XKR4: variants seen among roughly 807,000 people sequenced by gnomAD.
The protein encoded by XKR4 is XK-related protein 4.
XKR4 carries 12 observed loss-of-function variants against 53.9 expected under a neutral mutation model. The observed-to-expected ratio is 0.22, with a 90% CI of 0.14 to 0.36. XKR4 has a LOEUF of 0.36. XKR4 is among the 10% of genes least tolerant of loss of function. The pLI is 1.00. For missense variants in XKR4, 799 were observed against 859.5 expected (o/e 0.93, Z 0.88); for synonymous variants, 354 against 362.4 (o/e 0.98, Z 0.26).
At chr8:55,326,075 T>A (rs1274287305) in intron 1 of XKR4, among the ~76,000 whole-genome samples, 1 of 152,200 alleles carries the variant, frequency 6.6e-6, no homozygotes, top group African/African-American at 2.4e-5. Flanking sequence ...CTTGATCCTG[T>A]AGACAACAGA....
chr8:55,321,590 C>A (rs1237362681), intron 1 of XKR4, among the ~76,000 whole-genome samples: 2 of 152,150 alleles, frequency 1.3e-5, no homozygotes, highest in Non-Finnish European at 2.9e-5. Context: ...CCTTCCCTAC[C>A]TACTCATTAG....
intron 2 of XKR4, among the ~76,000 whole-genome samples, chr8:55,403,990 C>A (rs541154442): frequency 6.6e-6 from 1 of 152,278 alleles, no homozygotes; most frequent in South Asian, 2.1e-4. Flanking sequence ...CTTCTCAGGC[C>A]TCTTTATGAC....
intron 1 of XKR4, among the ~76,000 whole-genome samples, chr8:55,174,240 T>C (rs796342461): frequency 3.3e-5 from 5 of 152,210 alleles, no homozygotes; most frequent in African/African-American, 1.2e-4. Context: ...TGAAAAAATA[T>C]CTTCTAAATT....
At chr8:55,492,579 T>C (rs1035167867) in intron 2 of XKR4, among the ~76,000 whole-genome samples, 2 of 152,252 alleles carry the variant, frequency 1.3e-5, no homozygotes, top group Admixed American at 6.5e-5. Flanking sequence ...GTGATTGCCA[T>C]GTCCATGATG....
At chr8:55,265,406 CA>C (rs1269431284) in intron 1 of XKR4, among the ~76,000 whole-genome samples, 1 of 152,216 alleles carries the variant, frequency 6.6e-6, no homozygotes, top group African/African-American at 2.4e-5. Flanking sequence ...CATGTGGCTC[CA>C]AGGCTGGCCT....
At chr8:55,400,906 C>G (rs921856180) in intron 2 of XKR4, among the ~76,000 whole-genome samples, 1 of 152,168 alleles carries the variant, frequency 6.6e-6, no homozygotes, top group African/African-American at 2.4e-5. Context: ...CATGAATGTG[C>G]TCAGAGAATT....
chr8:55,366,783 T>G (rs75509685), intron 2 of XKR4, among the ~76,000 whole-genome samples: 9,758 of 152,258 alleles, frequency 0.064, 902 homozygotes, highest in African/African-American at 0.2. Flanking sequence ...ACCTGCTCAA[T>G]CACCCTGTTC....
At chr8:55,466,908 T>C (rs1250409416) in intron 2 of XKR4, among the ~76,000 whole-genome samples, 1 of 152,188 alleles carries the variant, frequency 6.6e-6, no homozygotes, top group African/African-American at 2.4e-5. Context: ...GATTAAAAAA[T>C]TTATTAGTTT....
intron 1 of XKR4, among the ~76,000 whole-genome samples, chr8:55,335,201 A>T (rs781522346): frequency 2.0e-5 from 3 of 152,224 alleles, no homozygotes; most frequent in Non-Finnish European, 4.4e-5. Flanking sequence ...TAACAACTAT[A>T]TTAAGGAAAC....
At chr8:55,348,922 AAG>A (rs1803690231) in intron 1 of XKR4, among the ~76,000 whole-genome samples, 1 of 152,124 alleles carries the variant, frequency 6.6e-6, no homozygotes, top group South Asian at 2.1e-4. Context: ...AAAGAGATGA[AAG>A]AGAGAGTGGT....
intron 1 of XKR4, among the ~76,000 whole-genome samples, chr8:55,314,432 C>T (rs542245962): frequency 1.3e-5 from 2 of 152,136 alleles, no homozygotes; most frequent in East Asian, 1.9e-4. Context: ...GCTGGGGCAC[C>T]GACCTCAAGG....
In XKR4 at chr8:55,528,081, T is replaced by A. The variant is rs1226284834; in HGVS notation, c.*3854T>A. On this transcript the variant is annotated 3_prime_UTR_variant, in exon 3 of 3. Transcript: ENST00000327381. ...AGTATATACTGCTTTTGAATGTATA[T>A]AAAGTGGTATGTTATGCATATAAAT... 6.6e-6 allele frequency: 1 copy of A among 152,216 alleles called. No individual in the cohort carries two copies. Among genetic ancestry groups the A allele is most frequent in the Admixed American group, 6.5e-5 (1 of 15,278 alleles). 9.4% of individuals were successfully genotyped at this position (152,216 alleles called of 1,614,324 possible).
intron 2 of XKR4, among the ~76,000 whole-genome samples, chr8:55,488,958 A>T (rs72648092): frequency 9.9e-5 from 1 of 10,110 alleles, no homozygotes; most frequent in African/African-American, 1.8e-3. Context: ...AAAAAAAAAA[A>T]AAAAAGACCA....
chr8:55,406,314 G>T (rs148320525), intron 2 of XKR4, among the ~76,000 whole-genome samples: 2,129 of 152,178 alleles, frequency 0.014, 28 homozygotes, highest in African/African-American at 0.035. Flanking sequence ...GGTTAAAAAA[G>T]TAATAGTCCC....
chr8:55,167,951 C>T (rs1355170187), intron 1 of XKR4, among the ~76,000 whole-genome samples: 1 of 152,202 alleles, frequency 6.6e-6, no homozygotes, highest in Non-Finnish European at 1.5e-5. Context: ...GAGTAACCAA[C>T]TGTAAAATGA....
chr8:55,513,786 A>C (rs1806666850), intron 2 of XKR4, among the ~76,000 whole-genome samples: 6 of 152,224 alleles, frequency 3.9e-5, no homozygotes, highest in Admixed American at 3.9e-4. Flanking sequence ...TCTTTGAGTT[A>C]CCAGGTTTCA....
At chr8:55,448,303 A>G (rs1346949895) in intron 2 of XKR4, among the ~76,000 whole-genome samples, 1 of 152,260 alleles carries the variant, frequency 6.6e-6, no homozygotes, top group African/African-American at 2.4e-5. Flanking sequence ...CTAGCCAGAG[A>G]ACAAGATGCG....
At chr8:55,303,075 C>T (rs1048668034) in intron 1 of XKR4, among the ~76,000 whole-genome samples, 27 of 152,114 alleles carry the variant, frequency 1.8e-4, no homozygotes, top group African/African-American at 5.8e-4. Context: ...GTCTTGTGCC[C>T]GTTTTCAAAG....
At chr8:55,404,876 G>A (rs554920365) in intron 2 of XKR4, among the ~76,000 whole-genome samples, 4 of 152,226 alleles carry the variant, frequency 2.6e-5, no homozygotes, top group South Asian at 4.2e-4. Context: ...ATTCCACTTC[G>A]CTCGCTGGGT....
Sources: allele counts gnomAD v4.1 joint callset (sites outside exome capture counted in the v4.1 genomes callset), GRCh38; gene constraint gnomAD v4.1.1; transcripts MANE v1.5; gene names NCBI Gene and HGNC (gene_info 2026-07-23, HGNC 2026-07-21).